Variants in MTREX observed in about 807,000 individuals in gnomAD.
MTREX encodes the protein Mtr4 exosome RNA helicase.
Under a neutral mutation model 135.4 loss-of-function variants are expected in MTREX, and 76 were observed. The ratio of observed to expected loss-of-function variants is 0.56; its 90% CI spans 0.47 to 0.68. The LOEUF is 0.68. Among genes scored for constraint, MTREX ranks in the 30% least tolerant of loss-of-function variants. The pLI is 0.00. For synonymous variants in MTREX, 404 were observed against 401.6 expected (o/e 1.01, Z -0.07); for missense variants, 920 against 1,262.1 (o/e 0.73, Z 4.11).
At chr5:55,320,859 A>G (rs1184592502) in intron 1 of MTREX, among the ~76,000 whole-genome samples, 1 of 152,186 alleles carries the variant, frequency 6.6e-6, no homozygotes, top group Admixed American at 6.5e-5. Flanking sequence ...AAAGTCTATT[A>G]AAATACCCTG....
At chr5:55,420,794 A>G (rs1009564803) in intron 25 of MTREX, among the ~76,000 whole-genome samples, 4 of 151,734 alleles carry the variant, frequency 2.6e-5, no homozygotes, top group Non-Finnish European at 5.9e-5. Flanking sequence ...TGATGGTTAC[A>G]CAAGTCTGAA....
chr5:55,358,691 T>G lies in MTREX; in HGVS notation c.1652T>G (p.Leu551Ter). The G allele has an allele frequency of 1.9e-6, 3 of 1,592,236 alleles. No individual in the cohort carries two copies. Among genetic ancestry groups the G allele is most frequent in the Non-Finnish European group, 2.6e-6 (3 of 1,174,152 alleles). ...EKMSPTIGKQ[L>*]LKGSADPLNS... ...ATGAGCCCAACAATTGGAAAACAAT[T>G]ACTTAAGGTAACTACATTAAGATTG... Residue 551 changes from leucine (L) to a stop codon, truncating the protein, a stop_gained, in exon 15 of 27, where the codon TTA (leucine) becomes TGA (stop). Transcript: ENST00000230640. LOFTEE classifies it high-confidence loss of function.
At chr5:55,317,524 T>C (rs918073955) in intron 1 of MTREX, among the ~76,000 whole-genome samples, 3 of 152,140 alleles carry the variant, frequency 2.0e-5, no homozygotes, top group Non-Finnish European at 4.4e-5. Flanking sequence ...AACGAAGCAG[T>C]GGGGAAAAGA....
chr5:55,407,977 T>C (rs1750831980), intron 22 of MTREX, among the ~76,000 whole-genome samples: 1 of 152,106 alleles, frequency 6.6e-6, no homozygotes, highest in Non-Finnish European at 1.5e-5. Context: ...AGGCTGGTCT[T>C]GAACTCCTGT....
chr5:55,371,705 A>G (rs1256698529), intron 16 of MTREX, among the ~76,000 whole-genome samples: 3 of 152,160 alleles, frequency 2.0e-5, no homozygotes, highest in Non-Finnish European at 4.4e-5. Flanking sequence ...TTTGTTTTCT[A>G]ATTTGTTACA....
At position 55,400,614 on chromosome 5, in the gene MTREX, T is replaced by A. The variant is rs1046710491; in HGVS notation, c.2481+193T>A. On this transcript the variant is annotated intron_variant, in intron 21 of 26. Coordinates refer to ENST00000230640, the MANE Select transcript of MTREX (RefSeq NM_015360.5). Reference sequence around the variant, plus strand: ...AAGATAAAGTTCATTTTGCTATAGTTTGATATTTCACATAGGATGTTCTGT... The same window carrying A: ...AAGATAAAGTTCATTTTGCTATAGTATGATATTTCACATAGGATGTTCTGT... Among the ~76,000 whole-genome samples, 80 of 152,224 alleles carry A rather than the reference T, an allele frequency of 5.3e-4. 1 individual carries two copies. The highest frequency in any genetic ancestry group is 1.4e-3 in the Admixed American group (22 of 15,284).
chr5:55,354,428 T>C (rs1354042082), intron 14 of MTREX, among the ~76,000 whole-genome samples: 3 of 152,182 alleles, frequency 2.0e-5, no homozygotes, highest in African/African-American at 4.8e-5. Context: ...TTGGGGAAAA[T>C]AGTCCTTTAT....
In MTREX at chr5:55,409,834, A is replaced by G. The variant is rs1037453533; in HGVS notation, c.2646-690A>G. Among the ~76,000 whole-genome samples the G allele has an allele frequency of 2.5e-4, 38 of 152,208 alleles. 1 individual carries two copies. Among genetic ancestry groups the G allele is most frequent in the African/African-American group, 8.0e-4 (33 of 41,456 alleles). Reference sequence around the variant, plus strand: ...ATATTTTTCAGATTTGTGGATGACAATTGGTGAGCAGCAGTTTGTTGCATT... The same window carrying G: ...ATATTTTTCAGATTTGTGGATGACAGTTGGTGAGCAGCAGTTTGTTGCATT... On this transcript the variant is annotated intron_variant, in intron 22 of 26. Coordinates refer to ENST00000230640, the MANE Select transcript of MTREX (RefSeq NM_015360.5).
chr5:55,359,594 T>G (rs1233103354), intron 15 of MTREX, among the ~76,000 whole-genome samples: 1 of 152,228 alleles, frequency 6.6e-6, no homozygotes, highest in Non-Finnish European at 1.5e-5. Context: ...TACATATTCA[T>G]AATAATCGTA....
intron 16 of MTREX, among the ~76,000 whole-genome samples, chr5:55,376,562 C>A (rs1315422944): frequency 2.0e-5 from 3 of 152,192 alleles, no homozygotes; most frequent in Non-Finnish European, 4.4e-5. Context: ...GAAAACAAAT[C>A]TCTTAGATCT....
intron 24 of MTREX, 26 bp downstream of exon 24, chr5:55,414,264 A>C (rs771273175): frequency 3.7e-5 from 34 of 919,588 alleles, no homozygotes; most frequent in Non-Finnish European, 4.9e-5. Flanking sequence ...TTTTTTTTTG[A>C]ACTACATATT....
chr5:55,358,522 T>C, intron 14 of MTREX, 51 bp from the exon 15 acceptor site: 4 of 1,474,696 alleles, frequency 2.7e-6, no homozygotes, highest in Non-Finnish European at 2.7e-6. Flanking sequence ...TAAGAATATG[T>C]TTTTTACCAG....
chr5:55,412,911 G>A lies in MTREX; in HGVS notation c.2752-1271G>A, dbSNP rs114469577. ...CATTCATCAATAATTTTTGGTTTTA[G>A]CAGCAATAATATGGAATCTGGTTCT... On this transcript the variant is annotated intron_variant, in intron 23 of 26. Transcript: ENST00000230640. 4.0e-3 allele frequency among the ~76,000 whole-genome samples: 603 copies of A among 152,186 alleles called. 4 individuals carry two copies. Among genetic ancestry groups the A allele is most frequent in the African/African-American group, 0.014 (576 of 41,516 alleles).
Position 55,324,195 on chromosome 5 carries a change from T to C in MTREX, c.336T>C (p.His112=), listed in dbSNP as rs746647406. The C allele has an allele frequency of 6.8e-6, 11 of 1,606,994 alleles. No homozygotes were observed. The Admixed American group carries it at 1.2e-4, about 17-fold the overall frequency. Residue 112 remains histidine (H), a synonymous_variant, in exon 3 of 27, where the codon CAT becomes CAC. Coordinates refer to ENST00000230640, the MANE Select transcript of MTREX (RefSeq NM_015360.5). ...TTGAAACTGTTGAAGGGTGTACACA[T>C]GAGGTAAGCACAAACAGCATACAGA... ...QSVETVEGCT[H]EVALPAEEDY...
At chr5:55,400,194 G>A (rs1179943197) in intron 20 of MTREX, 39 bp from the exon 21 acceptor site, 1 of 1,466,330 alleles carries the variant, frequency 6.8e-7, no homozygotes, top group African/African-American at 1.4e-5. Context: ...TACTAATTTT[G>A]ACTATAAGAT....
At chr5:55,347,178 T>A (rs753118175) in intron 11 of MTREX, 34 bp downstream of exon 11, 1 of 1,557,420 alleles carries the variant, frequency 6.4e-7, no homozygotes, top group Non-Finnish European at 8.7e-7. Flanking sequence ...TTTAATGTTA[T>A]GTGAAAATGA....
In MTREX at chr5:55,340,174, T is replaced by G; in HGVS notation, c.680T>G (p.Met227Arg). 1 of 1,580,224 alleles carries G rather than the reference T, an allele frequency of 6.3e-7. No homozygotes were observed. The highest frequency in any genetic ancestry group is 8.6e-7 in the Non-Finnish European group (1 of 1,164,846). Reference protein sequence around the residue: ...TINPTASCLVMTTEILRSMLY... With the variant: ...TINPTASCLVRTTEILRSMLY... ...AATCCTACGGCATCTTGTCTTGTTA[T>G]GACCACAGAGGTAATTCATGTAGTG... The change falls in exon 6 of 27, where the codon ATG becomes AGG. Residue 227 changes from methionine to arginine, a missense_variant. Transcript: ENST00000230640.
intron 5 of MTREX, among the ~76,000 whole-genome samples, chr5:55,330,522 T>C (rs1749459257): frequency 6.6e-6 from 1 of 150,966 alleles, no homozygotes; most frequent in African/African-American, 2.4e-5. Context: ...ACAGATAGGG[T>C]ACAGTTACAA....
chr5:55,312,437 G>A lies in MTREX; in HGVS notation c.134+4290G>A, dbSNP rs190805261. On this transcript the variant is annotated intron_variant, in intron 1 of 26. Transcript: ENST00000230640. ...TCTTTTTTTTTTTAATCTTATTGGG[G>A]TATAACTGAAGTGCAGTAAACCACC... 4.7e-3 allele frequency among the ~76,000 whole-genome samples: 713 copies of A among 151,130 alleles called. 5 individuals are homozygous for A. Among genetic ancestry groups the A allele is most frequent in the African/African-American group, 0.017 (687 of 41,124 alleles).
Sources: allele counts gnomAD v4.1 joint callset (sites outside exome capture counted in the v4.1 genomes callset), GRCh38; gene constraint gnomAD v4.1.1; transcripts MANE v1.5; gene names NCBI Gene and HGNC (gene_info 2026-07-23, HGNC 2026-07-21).